GLT8D2: variants seen among roughly 807,000 people sequenced by gnomAD.
The protein encoded by GLT8D2 is glycosyltransferase 8 domain-containing protein 2.
In GLT8D2, 45 loss-of-function variants were observed where a neutral mutation model predicts 44.5. That is an observed-to-expected ratio of 1.01 (90% CI 0.80 to 1.30). The LOEUF (loss-of-function observed/expected upper bound fraction) is 1.30. Ranked by LOEUF, GLT8D2 falls within the 50% of genes most tolerant of loss-of-function variation. GLT8D2 has a pLI of 0.00. For synonymous variants in GLT8D2, 156 were observed against 157.2 expected, an observed-to-expected ratio of 0.99 and a Z score of 0.06; for missense variants, 400 against 430.4, an observed-to-expected ratio of 0.93 and a Z score of 0.62.
intron 3 of GLT8D2, among the ~76,000 whole-genome samples, 172 bp downstream of exon 3, chr12:104,019,458 C>G (rs1832321040): frequency 3.3e-5 from 5 of 152,058 alleles, no homozygotes. Context: ...AAATACTGAA[C>G]AACTCTCCAT....
At chr12:104,013,148 A>G (rs1375411752) in intron 4 of GLT8D2, among the ~76,000 whole-genome samples, 2 of 152,204 alleles carry the variant, frequency 1.3e-5, no homozygotes, top group African/African-American at 4.8e-5. Flanking sequence ...GAATTGCACA[A>G]CCATCACCAA....
At chr12:104,021,173 T>A (rs756310060) in intron 2 of GLT8D2, among the ~76,000 whole-genome samples, 184 bp downstream of exon 2, 8 of 152,070 alleles carry the variant, frequency 5.3e-5, no homozygotes, top group Non-Finnish European at 7.4e-5. Context: ...GCTGGCAGAG[T>A]TCCCCCCTCA....
In GLT8D2 at chr12:104,030,760, G is replaced by A. The variant is rs1879144346; in HGVS notation, c.-163-9269C>T. Reference sequence around the variant, plus strand: ...GAATCTGCTAATCCCAGTCGGTGCCGCATCCCCAGCCCGCCGCCATGGCCG... The same window carrying A: ...GAATCTGCTAATCCCAGTCGGTGCCACATCCCCAGCCCGCCGCCATGGCCG... On this transcript the variant is annotated intron_variant, in intron 1 of 10. Transcript: ENST00000360814. 10 of 1,611,842 alleles carry A rather than the reference G, an allele frequency of 6.2e-6. 1 individual carries two copies. In the South Asian group the frequency reaches 1.1e-4, roughly 18 times the overall value.
intron 4 of GLT8D2, 119 bp downstream of exon 4, chr12:104,014,894 C>T: frequency 3.0e-6 from 2 of 677,340 alleles, no homozygotes; most frequent in Non-Finnish European, 5.2e-6. Flanking sequence ...ACTAGCAGGT[C>T]CTTGGGAGTT....
intron 1 of GLT8D2, among the ~76,000 whole-genome samples, chr12:104,033,004 C>A (rs1349868137): frequency 6.6e-6 from 1 of 152,002 alleles, no homozygotes; most frequent in East Asian, 1.9e-4. Flanking sequence ...CTCAGCCTCC[C>A]AAGTAGCTAG....
intron 4 of GLT8D2, among the ~76,000 whole-genome samples, chr12:104,003,892 T>C (rs1044840341): frequency 1.3e-5 from 2 of 152,168 alleles, no homozygotes; most frequent in African/African-American, 4.8e-5. Context: ...TGCAGGATGA[T>C]AGATTAGAAG....
intron 5 of GLT8D2, among the ~76,000 whole-genome samples, chr12:104,001,731 T>C (rs576700818): frequency 6.6e-6 from 1 of 152,272 alleles, no homozygotes; most frequent in East Asian, 1.9e-4. Flanking sequence ...GGAGATGCAG[T>C]CTCACTCTGT....
chr12:103,998,419 T>C lies in GLT8D2; in HGVS notation c.403-884A>G, dbSNP rs911680299. 9.2e-5 allele frequency among the ~76,000 whole-genome samples: 14 copies of C among 151,892 alleles called. 1 individual carries two copies. The highest frequency in any genetic ancestry group is 3.4e-4 in the African/African-American group (14 of 41,346). On this transcript the variant is annotated intron_variant, in intron 6 of 10. Transcript: ENST00000360814. Reference sequence around the variant, plus strand: ...ATGCCTAGCTAATTAAAAAAAAATTTTTTTTTTTGAGACGGAGTCTCACTC... The same window carrying C: ...ATGCCTAGCTAATTAAAAAAAAATTCTTTTTTTTGAGACGGAGTCTCACTC...
At chr12:104,045,233 A>G (rs1880956328) in intron 1 of GLT8D2, among the ~76,000 whole-genome samples, 1 of 152,242 alleles carries the variant, frequency 6.6e-6, no homozygotes, top group Non-Finnish European at 1.5e-5. Context: ...CACTCCAGGA[A>G]TAAAAGCAGA....
rs1882238238 is a variant in GLT8D2, at chr12:104,057,059, C to T, written c.-422-6771G>A. ...GGTGGCCATGGGAATGTTGACATTG[C>T]CACTGTTCAACTCCAGATGGGCATC... is the stretch of plus-strand genomic sequence containing the variant. On this transcript the variant is annotated intron_variant, in intron 1 of 10. Transcript: ENST00000548660. 2.6e-5 allele frequency among the ~76,000 whole-genome samples: 4 copies of T among 152,130 alleles called. No individual in the cohort carries two copies. The South Asian group carries it at 8.3e-4, about 32-fold the overall frequency.
At chr12:103,993,585 A>T (rs939649944) in intron 9 of GLT8D2, 81 bp from the exon 10 acceptor site, 1 of 845,282 alleles carries the variant, frequency 1.2e-6, no homozygotes, top group South Asian at 1.8e-5. Flanking sequence ...ATTGTAAATG[A>T]TGTAAGACAT....
chr12:104,009,363 G>A (rs996802473), intron 4 of GLT8D2, among the ~76,000 whole-genome samples: 2 of 152,234 alleles, frequency 1.3e-5, no homozygotes, highest in African/African-American at 4.8e-5. Context: ...TTTTGGACAA[G>A]CACAGGGGTA....
chr12:104,045,692 C>T (rs1204421995), intron 1 of GLT8D2, among the ~76,000 whole-genome samples: 1 of 151,964 alleles, frequency 6.6e-6, no homozygotes, highest in African/African-American at 2.4e-5. Context: ...CTGGCAGTGG[C>T]TAAGGGAATT....
chr12:104,024,394 C>T lies in GLT8D2; in HGVS notation c.-163-2903G>A, dbSNP rs996471830. On this transcript the variant is annotated intron_variant, in intron 1 of 10. Transcript: ENST00000360814. ...GCTGCAGTGAGCCATGGTCGCACCA[C>T]TGCACTCCAGCCCCGGTGACAGAGA... Among the ~76,000 whole-genome samples, 4 of 152,076 alleles carry T rather than the reference C, an allele frequency of 2.6e-5. No individual in the cohort carries two copies. The South Asian group carries it at 6.2e-4, about 24-fold the overall frequency.
chr12:104,041,463 C>G (rs1339972636), intron 1 of GLT8D2, among the ~76,000 whole-genome samples: 1 of 152,166 alleles, frequency 6.6e-6, no homozygotes, highest in Non-Finnish European at 1.5e-5. Flanking sequence ...GTGATCCCAG[C>G]TCCTTGGGAG....
chr12:104,016,136 C>T lies in GLT8D2; in HGVS notation c.20-1031G>A, dbSNP rs143439769. Among the ~76,000 whole-genome samples the T allele has an allele frequency of 1.7e-3, 262 of 152,210 alleles. 2 individuals carry two copies. The highest frequency in any genetic ancestry group is 5.9e-3 in the African/African-American group (245 of 41,524). On this transcript the variant is annotated intron_variant, in intron 3 of 10. Transcript: ENST00000360814. Reference sequence around the variant, plus strand: ...ACTATGTTGAATAACAGTGGTGAAACGCAGCCATCCTTGTCGTGTTCCAGA... The same window carrying T: ...ACTATGTTGAATAACAGTGGTGAAATGCAGCCATCCTTGTCGTGTTCCAGA...
At chr12:104,031,216 A>G (rs1347631108) in intron 1 of GLT8D2, 57 of 1,611,378 alleles carry the variant, frequency 3.5e-5, no homozygotes, top group Non-Finnish European at 4.8e-5. Context: ...CAGACCTCAC[A>G]GAAGATCAGC....
At chr12:104,044,689 G>C (rs2722177) in intron 1 of GLT8D2, among the ~76,000 whole-genome samples, 138,074 of 152,316 alleles carry the variant, frequency 0.91, 62,692 homozygotes, top group East Asian at 1. Context: ...TCTGTACACT[G>C]CCCTTCCTCA....
intron 7 of GLT8D2, 145 bp from the exon 8 acceptor site, chr12:103,996,992 T>C (rs1328531726): frequency 1.7e-6 from 1 of 599,350 alleles, no homozygotes; most frequent in Non-Finnish European, 3.0e-6. Context: ...ATTTATTTAT[T>C]AAGAGTCTTG....
Sources: gnomAD v4.1 joint callset for allele counts (sites outside exome capture counted in the v4.1 genomes callset) on GRCh38, gnomAD v4.1.1 for gene constraint, MANE v1.5 for transcripts, NCBI Gene and HGNC (gene_info 2026-07-23, HGNC 2026-07-21) for gene names.